ARHGEF18: variants seen among roughly 807,000 people sequenced by gnomAD.
ARHGEF18 encodes Rho/Rac guanine nucleotide exchange factor 18, also known as rho guanine nucleotide exchange factor 18.
Under a neutral mutation model 155.7 loss-of-function variants are expected in ARHGEF18, and 93 were observed. The observed-to-expected ratio is 0.60, with a 90% confidence interval of 0.50 to 0.71. The LOEUF (loss-of-function observed/expected upper bound fraction) is 0.71. Among genes scored for constraint, ARHGEF18 ranks in the 30% least tolerant of loss-of-function variants. ARHGEF18 has a pLI of 0.00. For synonymous variants in ARHGEF18, 742 were observed against 753.1 expected (o/e 0.99, Z 0.24); for missense variants, 1,593 against 1,816.1 (o/e 0.88, Z 2.23).
chr19:7,412,671 G>A (rs1476685583), intron 10 of ARHGEF18, among the ~76,000 whole-genome samples: 1 of 151,788 alleles, frequency 6.6e-6, no homozygotes, highest in Non-Finnish European at 1.5e-5. Flanking sequence ...GAACCCAGGA[G>A]GCGGAGGTTG....
chr19:7,386,013 TCTCTCC>T (rs1275923147), intron 10 of ARHGEF18, among the ~76,000 whole-genome samples: 1 of 125,010 alleles, frequency 8.0e-6, no homozygotes, highest in Non-Finnish European at 1.7e-5. Context: ...TCTTTCTCTC[TCTCTCC>T]CTCTCCCTCT....
At chr19:7,403,547 TTC>T (rs1446931341) in intron 10 of ARHGEF18, among the ~76,000 whole-genome samples, 1 of 130,266 alleles carries the variant, frequency 7.7e-6, no homozygotes, top group Admixed American at 7.1e-5. Context: ...CTTTCTTTCT[TTC>T]TTTCTTTTTT....
intron 19 of ARHGEF18, among the ~76,000 whole-genome samples, chr19:7,459,601 G>A (rs1030017568): frequency 1.3e-5 from 2 of 152,152 alleles, no homozygotes; most frequent in East Asian, 1.9e-4. Flanking sequence ...GTAGCTCTAC[G>A]GGGCTTGCAG....
chr19:7,370,606 C>T (rs1318685298), intron 2 of ARHGEF18, among the ~76,000 whole-genome samples: 2 of 152,132 alleles, frequency 1.3e-5, no homozygotes, highest in Admixed American at 1.3e-4. Context: ...AGCAAGGACC[C>T]ACAGATATCT....
At chr19:7,425,592 G>A (rs149156582) in intron 10 of ARHGEF18, among the ~76,000 whole-genome samples, 3 of 151,470 alleles carry the variant, frequency 2.0e-5, no homozygotes, top group Non-Finnish European at 4.4e-5. Context: ...TGAGGCAGGA[G>A]AATTGCTTGA....
intron 2 of ARHGEF18, among the ~76,000 whole-genome samples, chr19:7,367,805 T>TATATATATTATATATATATATACAC (rs1969969855): frequency 9.9e-6 from 1 of 101,516 alleles, no homozygotes; most frequent in Non-Finnish European, 2.0e-5. Context: ...TATATACACA[T>TATATATATTATATATATATATACAC]ATATATATTT....
chr19:7,466,925 C>A lies in ARHGEF18; in HGVS notation c.2912C>A (p.Ala971Glu), dbSNP rs554029574. Residue 971 changes from alanine to glutamate, a missense_variant, in exon 24 of 29, where the codon GCG (alanine) becomes GAG (glutamate). Coordinates refer to ENST00000668164, the MANE Select transcript of ARHGEF18 (RefSeq NM_001367823.1). ...SSEESPQVVE[A>E]PGTESDPRLP... ...ACGGTGTCCTCTTCCCAGGTGGAGG[C>A]GCCAGGCACGGAATCCGATCCCCGT... is the stretch of plus-strand genomic sequence containing the variant. The A allele has an allele frequency of 6.2e-7, 1 of 1,613,546 alleles. No homozygotes were observed. Among genetic ancestry groups the A allele is most frequent in the African/African-American group, 1.3e-5 (1 of 74,996 alleles).
chr19:7,395,212 G>A lies in ARHGEF18; in HGVS notation c.967+12009G>A, dbSNP rs1971627232. On this transcript the variant is annotated intron_variant, in intron 10 of 28. Coordinates refer to ENST00000668164, the MANE Select transcript of ARHGEF18 (RefSeq NM_001367823.1). This position sits in a 1 kb window ranked among gnomAD's most constrained non-coding sequence, Gnocchi z 5.0. ...AGGCGGCTGCGAGAGTGGCAGAGGA[G>A]CTGGCGGAGAGCGGCCTGCGGGCGA... 18 of 986,232 alleles carry A rather than the reference G, an allele frequency of 1.8e-5. No individual in the cohort carries two copies. Among genetic ancestry groups the A allele is most frequent in the Non-Finnish European group, 2.2e-5 (18 of 830,698 alleles). 61.1% of individuals were successfully genotyped at this position (986,232 alleles called of 1,614,324 possible).
rs953514571 is a variant in ARHGEF18, at chr19:7,421,816, G to A, written c.968-18528G>A. On this transcript the variant is annotated intron_variant, in intron 10 of 28. Coordinates refer to ENST00000668164, the MANE Select transcript of ARHGEF18 (RefSeq NM_001367823.1). Reference sequence around the variant, plus strand: ...TGATGATGGCCCTGACTCCACGCACGTCTCAACAGCCTTCAGGACTTCTGA... The same window carrying A: ...TGATGATGGCCCTGACTCCACGCACATCTCAACAGCCTTCAGGACTTCTGA... 3.9e-5 allele frequency among the ~76,000 whole-genome samples: 6 copies of A among 152,190 alleles called. No individual in the cohort carries two copies. In the South Asian group the frequency reaches 6.2e-4, roughly 16 times the overall value.
rs1976955849 is a variant in ARHGEF18, at chr19:7,470,400, C to G, written c.*102C>G. 1.7e-6 allele frequency: 2 copies of G among 1,159,440 alleles called. No homozygotes were observed. The highest frequency in any genetic ancestry group is 1.6e-5 in the African/African-American group (1 of 62,496). The allele number at this position is 1,159,440 out of a possible 1,614,324, so 71.8% of individuals were successfully genotyped here. A position where few individuals can be genotyped will look rare whatever the true frequency, so the allele number is the denominator to read the frequency against. On this transcript the variant is annotated 3_prime_UTR_variant, in exon 29 of 29. Coordinates refer to ENST00000668164, the MANE Select transcript of ARHGEF18 (RefSeq NM_001367823.1). This position sits in a 1 kb window ranked among gnomAD's most constrained non-coding sequence, Gnocchi z 5.9. The stretch of plus-strand genomic sequence containing the variant: ...CACCATGCCCACCCAGCTGTCCCCT[C>G]CTCTTCCCTAGCAAACCACTGATGA...
chr19:7,478,826 C>G, the ARHGEF18 span, among the ~76,000 whole-genome samples: 1 of 152,242 alleles, frequency 6.6e-6, no homozygotes. Context: ...ATGCCAGCAC[C>G]CCCTGCACAC....
At chr19:7,386,593 T>C (rs1033709842) in intron 10 of ARHGEF18, among the ~76,000 whole-genome samples, 3 of 151,146 alleles carry the variant, frequency 2.0e-5, no homozygotes, top group African/African-American at 7.3e-5. Context: ...TAGGGAAGAG[T>C]ATTCCAGGTC....
At chr19:7,358,861 A>G (rs1969432457) in intron 1 of ARHGEF18, among the ~76,000 whole-genome samples, 1 of 152,226 alleles carries the variant, frequency 6.6e-6, no homozygotes, top group African/African-American at 2.4e-5. Context: ...CCAGACATAT[A>G]GAAAGTGATT....
intron 1 of ARHGEF18, among the ~76,000 whole-genome samples, chr19:7,361,480 A>T (rs114590444): frequency 0.013 from 2,026 of 152,274 alleles, 50 homozygotes; most frequent in African/African-American, 0.046. Flanking sequence ...AAAGCTAAGC[A>T]TAGATTAGCA....
intron 2 of ARHGEF18, among the ~76,000 whole-genome samples, chr19:7,369,057 C>T (rs1463254799): frequency 2.0e-5 from 3 of 152,170 alleles, no homozygotes; most frequent in Non-Finnish European, 4.4e-5. Context: ...TGACCAGGCG[C>T]GGCGGCTCAT....
chr19:7,369,412 G>A (rs1205629941), intron 2 of ARHGEF18, among the ~76,000 whole-genome samples: 4 of 151,028 alleles, frequency 2.6e-5, no homozygotes, highest in Non-Finnish European at 5.9e-5. Flanking sequence ...AGTGAGCTGA[G>A]ATCGGGCCAT....
intron 10 of ARHGEF18, among the ~76,000 whole-genome samples, chr19:7,426,486 CA>C (rs760020542): frequency 0.016 from 1,624 of 100,744 alleles, 32 homozygotes; most frequent in African/African-American, 0.053. Context: ...GACTCTGTCT[CA>C]AAAAAAAAAA....
At chr19:7,461,249 C>T (rs1976235183) in intron 20 of ARHGEF18, among the ~76,000 whole-genome samples, 1 of 143,334 alleles carries the variant, frequency 7.0e-6, no homozygotes, top group African/African-American at 2.6e-5. Flanking sequence ...CCTGTCTCTA[C>T]AAAAAATTTA....
intron 10 of ARHGEF18, among the ~76,000 whole-genome samples, chr19:7,414,070 C>T (rs191878595): frequency 1.2e-4 from 18 of 152,220 alleles, no homozygotes; most frequent in African/African-American, 4.1e-4. Flanking sequence ...AGCCTAGATA[C>T]TGTAGGCATT....
Sources: gnomAD v4.1 joint callset for allele counts (sites outside exome capture counted in the v4.1 genomes callset) on GRCh38, gnomAD v4.1.1 for gene constraint, Gnocchi (gnomAD v3.1) non-coding constraint, MANE v1.5 for transcripts, NCBI Gene and HGNC (gene_info 2026-07-23, HGNC 2026-07-21) for gene names.